FAH: variants seen among roughly 807,000 people sequenced by gnomAD.
FAH encodes the protein fumarylacetoacetase.
In FAH, 47 loss-of-function variants were observed where a neutral mutation model predicts 55.8. That is an observed-to-expected ratio of 0.84 (90% CI 0.67 to 1.07). The LOEUF (loss-of-function observed/expected upper bound fraction) is 1.07, where lower values mean the gene tolerates loss of function less well. Ranked by LOEUF, FAH falls within the 50% of genes least tolerant of loss-of-function variation. The pLI, the probability that FAH is intolerant of heterozygous loss-of-function variation, is 0.00. For missense variants in FAH, 495 were observed against 545.9 expected (o/e 0.91, Z 0.93); for synonymous variants, 199 against 207.7 (o/e 0.96, Z 0.36).
intron 7 of FAH, among the ~76,000 whole-genome samples, chr15:80,171,515 C>T (rs2041240384): frequency 2.6e-5 from 4 of 152,110 alleles, no homozygotes; most frequent in Non-Finnish European, 5.9e-5. Flanking sequence ...GGCTGGAGTG[C>T]CGTGGCGTGA....
At chr15:80,181,261 C>T (rs184597171) in intron 13 of FAH, 102 bp downstream of exon 13, 12 of 784,908 alleles carry the variant, frequency 1.5e-5, no homozygotes, top group South Asian at 4.2e-5. Context: ...TCTGTTCTCA[C>T]GCATCCTGAC....
intron 2 of FAH, among the ~76,000 whole-genome samples, chr15:80,158,940 T>A (rs578101857): frequency 2.6e-4 from 40 of 152,256 alleles, no homozygotes; most frequent in African/African-American, 9.1e-4. Flanking sequence ...CTATAAAACC[T>A]CTTCCTTTTT....
chr15:80,166,882 G>T (rs919123914), intron 5 of FAH: 1 of 151,730 alleles, frequency 6.6e-6, no homozygotes, highest in East Asian at 1.9e-4. Context: ...TGATCCACCC[G>T]CCTCGGCCTC....
At chr15:80,160,150 C>G (rs180944110) in intron 3 of FAH, 6 of 633,664 alleles carry the variant, frequency 9.5e-6, no homozygotes, top group African/African-American at 7.3e-5. Flanking sequence ...TTAGCATCAT[C>G]TGTGACCTCA....
At chr15:80,168,403 G>T in intron 7 of FAH, 87 bp downstream of exon 7, 1 of 1,341,664 alleles carries the variant, frequency 7.5e-7, no homozygotes, top group Non-Finnish European at 1.1e-6. Flanking sequence ...ACCATGAGCC[G>T]CCCACTCCCC....
At chr15:80,186,049 G>C in intron 13 of FAH, 81 bp from the exon 14 acceptor site, 2 of 1,075,118 alleles carry the variant, frequency 1.9e-6, no homozygotes, top group Non-Finnish European at 1.5e-6. Flanking sequence ...GCTGTGTGCT[G>C]ACGGGCACTG....
At chr15:80,170,476 G>T (rs2041231139) in intron 7 of FAH, among the ~76,000 whole-genome samples, 1 of 152,240 alleles carries the variant, frequency 6.6e-6, no homozygotes, top group African/African-American at 2.4e-5. Context: ...AGTGGGCACT[G>T]CCGAATAGCC....
chr15:80,181,101 C>T lies in FAH; in HGVS notation c.1122C>T (p.Asp374=), dbSNP rs1173090424. Residue 374 remains aspartate, a synonymous_variant, in exon 13 of 14, where the codon GAC becomes GAT. Transcript: ENST00000561421. ...ELSWKGTKPI[D]LGNGQTRKFL... ...CGTGGAAGGGAACGAAGCCCATAGA[C>T]CTGGGGAATGGTCAGACCAGGAAGT... The T allele has an allele frequency of 3.7e-6, 6 of 1,613,884 alleles. No homozygotes were observed. The highest frequency in any genetic ancestry group is 1.1e-5 in the South Asian group (1 of 91,078).
At chr15:80,181,563 A>T (rs2041331342) in intron 13 of FAH, among the ~76,000 whole-genome samples, 1 of 152,000 alleles carries the variant, frequency 6.6e-6, no homozygotes, top group Non-Finnish European at 1.5e-5. Flanking sequence ...GTGCCTCTTA[A>T]TTCTTCTGGG....
At chr15:80,174,587 G>A (rs1035568326) in intron 9 of FAH, among the ~76,000 whole-genome samples, 1 of 152,148 alleles carries the variant, frequency 6.6e-6, no homozygotes, top group African/African-American at 2.4e-5. Flanking sequence ...TCCCTAGCTG[G>A]CTCCAGCACC....
chr15:80,180,467 G>A (rs897954454), intron 12 of FAH: 24 of 539,366 alleles, frequency 4.4e-5, no homozygotes, highest in Non-Finnish European at 7.4e-5. Flanking sequence ...GGGGAGCAGC[G>A]CAGTGACACG....
intron 5 of FAH, among the ~76,000 whole-genome samples, 164 bp from the exon 6 acceptor site, chr15:80,167,888 G>C (rs1208077871): frequency 6.6e-6 from 1 of 152,166 alleles, no homozygotes; most frequent in African/African-American, 2.4e-5. Flanking sequence ...ATGTACCACA[G>C]TTTGTTTATC....
intron 9 of FAH, 130 bp from the exon 10 acceptor site, chr15:80,174,886 A>C: frequency 2.6e-6 from 2 of 754,838 alleles, no homozygotes; most frequent in Non-Finnish European, 4.8e-6. Context: ...TGGAGAGGGA[A>C]TGCTCCTGCT....
At chr15:80,159,704 A>G (rs2041130868) in intron 2 of FAH, 52 bp from the exon 3 acceptor site, 18 of 1,612,282 alleles carry the variant, frequency 1.1e-5, no homozygotes, top group Middle Eastern at 1.7e-4. Flanking sequence ...AAGGAGGGAT[A>G]CTCCCTGGGT....
chr15:80,167,875 TGTATGTA>T (rs1218310415), intron 5 of FAH, among the ~76,000 whole-genome samples, 170 bp from the exon 6 acceptor site: 28 of 152,178 alleles, frequency 1.8e-4, no homozygotes, highest in African/African-American at 6.5e-4. Context: ...TTCCACTGTA[TGTATGTA>T]CCACAGTTTG....
intron 7 of FAH, among the ~76,000 whole-genome samples, 171 bp from the exon 8 acceptor site, chr15:80,171,978 G>A (rs1567118614): frequency 6.6e-6 from 1 of 152,216 alleles, no homozygotes; most frequent in Non-Finnish European, 1.5e-5. Context: ...CTGCTTTCCT[G>A]AGGCGTCCAT....
intron 8 of FAH, among the ~76,000 whole-genome samples, chr15:80,172,560 A>G (rs1469972301): frequency 6.6e-6 from 1 of 152,190 alleles, no homozygotes; most frequent in Non-Finnish European, 1.5e-5. Flanking sequence ...CCTACACGGT[A>G]TGTGCAATAT....
rs1555442289 is a variant in FAH at position 80,180,122 on chromosome 15, A to C, written c.961-2A>C. On this transcript the variant is annotated splice_acceptor_variant, in intron 11 of 13. Transcript: ENST00000561421. LOFTEE classifies it high-confidence loss of function. ...ATTCCACCTCGCGTCCATTGCCTGCAGTACATGTACTGGACGATGCTGCAG... is the reference window on the plus strand; with the variant it reads ...ATTCCACCTCGCGTCCATTGCCTGCCGTACATGTACTGGACGATGCTGCAG... The C allele has an allele frequency of 4.4e-6, 7 of 1,602,492 alleles. No homozygotes were observed. The highest frequency in any genetic ancestry group is 6.0e-6 in the Non-Finnish European group (7 of 1,174,902).
In FAH at chr15:80,186,154, G is replaced by A. The variant is rs147796599; in HGVS notation, c.1205G>A (p.Arg402His). The change falls in exon 14 of 14, where the codon CGC becomes CAC. Residue 402 changes from arginine (R) to histidine (H), a missense_variant. Transcript: ENST00000561421. ...ITGYCQGDGY[R>H]IGFGQCAGKV... is the part of the protein sequence containing the mutation. ...GGGTACTGCCAGGGGGATGGTTACC[G>A]CATCGGCTTTGGCCAGTGTGCTGGA... 265 of 1,614,050 alleles carry A rather than the reference G, an allele frequency of 1.6e-4. 1 individual carries two copies. In the African/African-American group the frequency reaches 1.7e-3, roughly 11 times the overall value.
Sources: allele counts gnomAD v4.1 joint callset (sites outside exome capture counted in the v4.1 genomes callset), GRCh38; gene constraint gnomAD v4.1.1; transcripts MANE v1.5; gene names NCBI Gene and HGNC (gene_info 2026-07-23, HGNC 2026-07-21).